The following MAPK4 variants were observed in gnomAD, a reference collection of about 807,000 sequenced individuals.
MAPK4 encodes the protein mitogen-activated protein kinase 4, also known as Erk3-related.
MAPK4 carries 22 observed loss-of-function variants against 47.7 expected under a neutral mutation model. That is an observed-to-expected ratio of 0.46 (90% CI 0.33 to 0.66). The LOEUF (loss-of-function observed/expected upper bound fraction) is 0.66. Among genes scored for constraint, MAPK4 ranks in the 30% least tolerant of loss-of-function variants. The pLI is 0.02. For missense variants in MAPK4, 736 were observed against 831.7 expected, an observed-to-expected ratio of 0.88 and a Z score of 1.42; for synonymous variants, 390 against 365.7, an observed-to-expected ratio of 1.07 and a Z score of -0.76.
chr18:50,685,978 G>A (rs1271058929), intron 2 of MAPK4, among the ~76,000 whole-genome samples: 1 of 151,944 alleles, frequency 6.6e-6, no homozygotes, highest in Non-Finnish European at 1.5e-5. Flanking sequence ...ACACACAATG[G>A]GAGAGCCAGG....
At chr18:50,702,690 A>G (rs1909855733) in intron 2 of MAPK4, among the ~76,000 whole-genome samples, 3 of 152,148 alleles carry the variant, frequency 2.0e-5, no homozygotes, top group Admixed American at 2.0e-4. Flanking sequence ...TTCCTTCTTC[A>G]TACAGTGACT....
At chr18:50,695,545 G>A (rs920534378) in intron 2 of MAPK4, among the ~76,000 whole-genome samples, 1 of 152,030 alleles carries the variant, frequency 6.6e-6, no homozygotes, top group African/African-American at 2.4e-5. Flanking sequence ...GGCGCTTGAC[G>A]TGAGCCTTGT....
intron 1 of MAPK4, among the ~76,000 whole-genome samples, chr18:50,658,399 T>C (rs983994323): frequency 2.0e-5 from 3 of 152,102 alleles, no homozygotes; most frequent in Admixed American, 1.3e-4. Context: ...CCAACCTGAG[T>C]TGACATCCCA....
chr18:50,713,818 A>C (rs2144431034), intron 2 of MAPK4, among the ~76,000 whole-genome samples: 1 of 152,282 alleles, frequency 6.6e-6, no homozygotes, highest in Middle Eastern at 3.4e-3. Flanking sequence ...CATTTTGGTG[A>C]GAGTATTGAG....
At chr18:50,626,490 G>A (rs973457028) in intron 1 of MAPK4, among the ~76,000 whole-genome samples, 1 of 152,162 alleles carries the variant, frequency 6.6e-6, no homozygotes. Context: ...TTGGAGGCGG[G>A]AAGGATTCTG....
At chr18:50,613,648 G>A (rs569587528) in intron 1 of MAPK4, among the ~76,000 whole-genome samples, 7 of 152,298 alleles carry the variant, frequency 4.6e-5, no homozygotes, top group East Asian at 1.9e-4. Flanking sequence ...ATACATGCAC[G>A]TATCTGCAAA....
At chr18:50,684,931 C>T (rs1407286947) in intron 2 of MAPK4, among the ~76,000 whole-genome samples, 10 of 152,174 alleles carry the variant, frequency 6.6e-5, no homozygotes, top group African/African-American at 2.4e-4. Context: ...TTCGGTGGCA[C>T]CGGGCCCCAT....
chr18:50,712,475 G>C (rs1910422995), intron 2 of MAPK4, among the ~76,000 whole-genome samples: 1 of 150,982 alleles, frequency 6.6e-6, no homozygotes, highest in South Asian at 2.1e-4. Context: ...TTTTTTTAAA[G>C]AGTGTGAAGA....
At chr18:50,662,906 G>A (rs1362124027) in intron 1 of MAPK4, among the ~76,000 whole-genome samples, 183 bp from the exon 2 acceptor site, 4 of 152,248 alleles carry the variant, frequency 2.6e-5, no homozygotes, top group African/African-American at 9.6e-5. Context: ...GTCTCTTCCA[G>A]GGGAGTGCTA....
chr18:50,562,419 A>T (rs1216326428), intron 1 of MAPK4, among the ~76,000 whole-genome samples: 1 of 146 alleles, frequency 6.8e-3, no homozygotes, highest in African/African-American at 8.6e-3. Flanking sequence ...TTTGGCCAAT[A>T]AAAAAAAAAA....
intron 2 of MAPK4, among the ~76,000 whole-genome samples, chr18:50,706,583 A>G (rs1382016101): frequency 2.6e-5 from 4 of 152,064 alleles, no homozygotes; most frequent in Non-Finnish European, 5.9e-5. Context: ...GTGGCTTGAC[A>G]GTTAATGCAT....
intron 2 of MAPK4, among the ~76,000 whole-genome samples, chr18:50,703,035 G>C (rs1305530114): frequency 1.3e-5 from 2 of 152,176 alleles, no homozygotes; most frequent in African/African-American, 2.4e-5. Context: ...GGTTCCCTGT[G>C]AATAGTGTGA....
intron 4 of MAPK4, among the ~76,000 whole-genome samples, chr18:50,724,872 A>G (rs1911110139): frequency 6.6e-6 from 1 of 152,196 alleles, no homozygotes; most frequent in Admixed American, 6.5e-5. Context: ...GTGGGCTGTA[A>G]CATGAGGAGC....
rs371670822 is a variant in MAPK4 at position 50,582,909 on chromosome 18, T to A, written c.-871+22666T>A. ...CTCAGAAAGTCCCAAGGTCTGAGTC[T>A]GCAAGAAAAGTCACAGCTCTTTATT... On this transcript the variant is annotated intron_variant, in intron 1 of 5. Coordinates refer to ENST00000400384, the MANE Select transcript of MAPK4 (RefSeq NM_002747.4). Among the ~76,000 whole-genome samples the A allele has an allele frequency of 1.6e-4, 24 of 152,368 alleles. 2 individuals carry two copies. In the South Asian group the frequency reaches 5.0e-3, roughly 32 times the overall value.
chr18:50,615,660 A>G (rs1466148594), intron 1 of MAPK4, among the ~76,000 whole-genome samples: 1 of 152,210 alleles, frequency 6.6e-6, no homozygotes, highest in Non-Finnish European at 1.5e-5. Context: ...AGAAGAGGAG[A>G]ACGCCATTTG....
chr18:50,697,886 A>G (rs1909593768), intron 2 of MAPK4, among the ~76,000 whole-genome samples: 1 of 152,198 alleles, frequency 6.6e-6, no homozygotes, highest in South Asian at 2.1e-4. Flanking sequence ...ACTTGTGGAA[A>G]GGGCTTGTCA....
chr18:50,598,281 A>G (rs887105847), intron 1 of MAPK4, among the ~76,000 whole-genome samples: 4 of 152,202 alleles, frequency 2.6e-5, no homozygotes, highest in African/African-American at 4.8e-5. Context: ...TTCTAACTCG[A>G]TCACATCACT....
At chr18:50,702,161 CAAAAAAAAA>C (rs36001271) in intron 2 of MAPK4, among the ~76,000 whole-genome samples, 1 of 95,926 alleles carries the variant, frequency 1.0e-5, no homozygotes, top group South Asian at 4.2e-4. Context: ...GATTCTGTCT[CAAAAAAAAA>C]AAAAAAAAAA....
At chr18:50,651,305 G>A (rs1040469447) in intron 1 of MAPK4, among the ~76,000 whole-genome samples, 3 of 152,128 alleles carry the variant, frequency 2.0e-5, no homozygotes, top group Admixed American at 2.0e-4. Context: ...TCTCCCTCCA[G>A]GGAGCTCTTC....
Sources: allele counts gnomAD v4.1 joint callset (sites outside exome capture counted in the v4.1 genomes callset), GRCh38; gene constraint gnomAD v4.1.1; transcripts MANE v1.5; gene names NCBI Gene and HGNC (gene_info 2026-07-23, HGNC 2026-07-21).